The following CDK11B variants were observed in gnomAD, a reference collection of about 807,000 sequenced individuals.
CDK11B encodes cyclin dependent kinase 11B.
A neutral mutation model predicts 84.0 loss-of-function variants in CDK11B; 37 were observed. The ratio of observed to expected loss-of-function variants is 0.44; its 90% CI spans 0.34 to 0.58. CDK11B has a LOEUF of 0.58. Ranked by LOEUF, CDK11B falls within the 20% of genes least tolerant of loss-of-function variation. CDK11B has a pLI of 0.02. For missense variants in CDK11B, 427 were observed against 834.0 expected, an observed-to-expected ratio of 0.51 and a Z score of 6.01; for synonymous variants, 269 against 309.8, an observed-to-expected ratio of 0.87 and a Z score of 1.38.
intron 1 of CDK11B, among the ~76,000 whole-genome samples, chr1:1,658,084 G>C (rs1570270425): frequency 1.4e-5 from 2 of 147,026 alleles, no homozygotes; most frequent in Admixed American, 6.7e-5. Context: ...CGAGGCAGCA[G>C]AATCGCTTGA....
chr1:1,643,707 GAC>G (rs1472415134), intron 6 of CDK11B, among the ~76,000 whole-genome samples: 3 of 142,682 alleles, frequency 2.1e-5, no homozygotes, highest in African/African-American at 8.7e-5. Context: ...GCTCACAATA[GAC>G]ACTAAAAAGT....
rs763330655 is a variant in CDK11B, at chr1:1,636,488, G to A, written c.1918-7C>T. The A allele has an allele frequency of 1.1e-5, 17 of 1,609,594 alleles. 1 individual carries two copies. Among genetic ancestry groups the A allele is most frequent in the Non-Finnish European group, 1.4e-5 (16 of 1,177,986 alleles). On this transcript the variant is annotated splice_region_variant and splice_polypyrimidine_tract_variant and intron_variant, in intron 17 of 19. Coordinates refer to ENST00000341832, the MANE Select transcript of CDK11B (RefSeq NM_033486.3). The stretch of plus-strand genomic sequence containing the variant: ...CACTAGGGGTCCCCAGATCCTGAAA[G>A]ACAGAGGTGCTTCAACAGCCACACC...
intron 5 of CDK11B, chr1:1,646,828 C>T (rs370333185): frequency 5.8e-6 from 3 of 519,908 alleles, no homozygotes; most frequent in Non-Finnish European, 1.2e-5. Flanking sequence ...TATGCCACTC[C>T]ACTGCCTTCT....
chr1:1,636,009 C>G lies in CDK11B; in HGVS notation c.2184G>C (p.Lys728Asn). The G allele has an allele frequency of 2.4e-6, 1 of 413,426 alleles. No individual in the cohort carries two copies. Among genetic ancestry groups the G allele is most frequent in the Non-Finnish European group, 4.1e-6 (1 of 245,740 alleles). 25.6% of individuals were successfully genotyped at this position (413,426 alleles called of 1,614,324 possible). A position where few individuals can be genotyped will look rare whatever the true frequency, so the allele number is the denominator to read the frequency against. ...CCCGCTTCACACGCTGCTGCTCGCT[C>G]TTGGCGGGCCACGTGGGGAACATGG... is the stretch of plus-strand genomic sequence containing the variant. ...DPSMFPTWPA[K>N]SEQQRVKRGT... Residue 728 changes from lysine (K) to asparagine (N), a missense_variant, in exon 19 of 20, where the codon AAG (lysine) becomes AAC (asparagine). Coordinates refer to ENST00000341832, the MANE Select transcript of CDK11B (RefSeq NM_033486.3).
intron 6 of CDK11B, among the ~76,000 whole-genome samples, chr1:1,644,825 C>G (rs550262837): frequency 4.0e-5 from 6 of 151,578 alleles, no homozygotes; most frequent in African/African-American, 1.5e-4. Context: ...AACCCTGTCT[C>G]TACTAAAAAT....
intron 3 of CDK11B, 45 bp downstream of exon 3, chr1:1,655,324 A>G (rs1465522139): frequency 6.3e-7 from 1 of 1,599,696 alleles, no homozygotes; most frequent in Non-Finnish European, 8.5e-7. Context: ...CGGCCAGGCC[A>G]GGGCTGTGTA....
At chr1:1,657,891 T>G (rs1309741634) in intron 1 of CDK11B, among the ~76,000 whole-genome samples, 1 of 64,420 alleles carries the variant, frequency 1.6e-5, no homozygotes, top group African/African-American at 7.5e-5. Flanking sequence ...GATAACAAAG[T>G]AAGACTTGGT....
intron 4 of CDK11B, among the ~76,000 whole-genome samples, chr1:1,649,858 C>G (rs1333733404): frequency 0.056 from 8,505 of 151,352 alleles, 436 homozygotes; most frequent in East Asian, 0.29. Flanking sequence ...ACCTGTAATC[C>G]CAGCTACTAA....
chr1:1,652,396 C>T (rs1249775351), intron 4 of CDK11B, 43 bp downstream of exon 4: 1 of 1,458,900 alleles, frequency 6.9e-7, no homozygotes, highest in African/African-American at 1.5e-5. Flanking sequence ...AGGAAAGAAA[C>T]CACACTTGAA....
chr1:1,641,473 C>T (rs1360162239), intron 9 of CDK11B, among the ~76,000 whole-genome samples, 189 bp downstream of exon 9: 2 of 145,722 alleles, frequency 1.4e-5, no homozygotes, highest in Admixed American at 6.8e-5. Flanking sequence ...CATGCCACTG[C>T]ACTCCAGCCT....
intron 4 of CDK11B, 87 bp from the exon 5 acceptor site, chr1:1,649,724 T>C (rs1219542633): frequency 3.3e-5 from 45 of 1,370,668 alleles, no homozygotes; most frequent in South Asian, 1.9e-4. Context: ...CCTGTAATCC[T>C]AGCACTTTGG....
intron 2 of CDK11B, among the ~76,000 whole-genome samples, chr1:1,655,992 T>C (rs1642699280): frequency 6.6e-6 from 1 of 152,196 alleles, no homozygotes; most frequent in African/African-American, 2.4e-5. Context: ...ATAGCATATA[T>C]GACAAGGGAC....
At position 1,636,985 on chromosome 1, in the gene CDK11B, G is replaced by C; in HGVS notation, c.1712C>G (p.Ala571Gly). The part of the protein sequence containing the change: ...GILKVGDFGL[A>G]REYGSPLKAY... ...CTTCAGAGGGGATCCGTACTCCCGCGCCAGCCCGAAGTCACCCACCTGCAA... is the reference window on the plus strand; with the variant it reads ...CTTCAGAGGGGATCCGTACTCCCGCCCCAGCCCGAAGTCACCCACCTGCAA... The change falls in exon 16 of 20, where the codon GCG becomes GGG. Residue 571 changes from alanine (A) to glycine (G), a missense_variant. Physicochemically the swap from Ala to Gly is moderately conservative, Grantham distance 60 (BLOSUM62 0). Around this residue, in one of 12 missense-constraint regions of CDK11B, gnomAD observed 170 missense variants for 196.0 expected, o/e 0.87. Coordinates refer to ENST00000341832, the MANE Select transcript of CDK11B (RefSeq NM_033486.3). 6.2e-7 allele frequency: 1 copy of C among 1,611,686 alleles called. No individual in the cohort carries two copies. Among genetic ancestry groups the C allele is most frequent in the Non-Finnish European group, 8.5e-7 (1 of 1,178,750 alleles).
At chr1:1,647,441 A>C (rs1570151241) in intron 5 of CDK11B, among the ~76,000 whole-genome samples, 1 of 152,228 alleles carries the variant, frequency 6.6e-6, no homozygotes, top group South Asian at 2.1e-4. Flanking sequence ...CCACATGCCT[A>C]TTTTAATTTT....
chr1:1,641,259 A>G, intron 9 of CDK11B, 146 bp from the exon 10 acceptor site: 2 of 1,366,934 alleles, frequency 1.5e-6, no homozygotes, highest in Middle Eastern at 2.0e-4. Context: ...CTGTAATCCC[A>G]GCGCTTTGGG....
chr1:1,651,092 C>T (rs1254814105), intron 4 of CDK11B, among the ~76,000 whole-genome samples: 1 of 152,174 alleles, frequency 6.6e-6, no homozygotes, highest in Non-Finnish European at 1.5e-5. Flanking sequence ...CATGACATTT[C>T]AATCGGGCTC....
rs1376736754 is a variant in CDK11B, at chr1:1,650,044, T to C, written c.356-407A>G. Among the ~76,000 whole-genome samples the C allele has an allele frequency of 6.4e-3, 931 of 146,382 alleles. 5 individuals are homozygous for C. The highest frequency in any genetic ancestry group is 0.036 in the South Asian group (167 of 4,580). ...ATTCCAGCACTCTGGGAGGCCGAGGTGGGCGGATCACAAGGTCAGATCGGG... is the reference window on the plus strand; with the variant it reads ...ATTCCAGCACTCTGGGAGGCCGAGGCGGGCGGATCACAAGGTCAGATCGGG... On this transcript the variant is annotated intron_variant, in intron 4 of 19. Transcript: ENST00000341832.
rs2100646497 is a variant in CDK11B, at chr1:1,636,267, G to C, written c.2066+66C>G. ...CTGGAACGTGGTGAGCCAGCAGGTA[G>C]GCCTGGGACTGGGAAGTCACCGCTA... On this transcript the variant is annotated intron_variant, in intron 18 of 19. Coordinates refer to ENST00000341832, the MANE Select transcript of CDK11B (RefSeq NM_033486.3). The C allele has an allele frequency of 3.4e-6, 5 of 1,458,368 alleles. No homozygotes were observed. In the East Asian group the frequency reaches 1.3e-4, roughly 37 times the overall value. The allele number at this position is 1,458,368 out of a possible 1,614,324, so 90.3% of individuals were successfully genotyped here. A position where few individuals can be genotyped will look rare whatever the true frequency, so the allele number is the denominator to read the frequency against.
rs553354020 is a variant in CDK11B, at chr1:1,654,819, C to T, written c.227+550G>A. On this transcript the variant is annotated intron_variant, in intron 3 of 19. Transcript: ENST00000341832. Reference sequence around the variant, plus strand: ...GACTAAAGGCGCCTGCCACCACGCCCGGCTAATTTTCTGTATTTTTAGTAG... The same window carrying T: ...GACTAAAGGCGCCTGCCACCACGCCTGGCTAATTTTCTGTATTTTTAGTAG... Among the ~76,000 whole-genome samples the T allele has an allele frequency of 5.9e-5, 9 of 151,970 alleles. No homozygotes were observed. The East Asian group carries it at 7.8e-4, about 13-fold the overall frequency.
Sources: gnomAD v4.1 joint callset for allele counts (sites outside exome capture counted in the v4.1 genomes callset) on GRCh38, gnomAD v4.1.1 for gene constraint, gnomAD v4.1.1 regional missense constraint, MANE v1.5 for transcripts, NCBI Gene and HGNC (gene_info 2026-07-23, HGNC 2026-07-21) for gene names.